DARS2: variants seen among roughly 807,000 people sequenced by gnomAD.
DARS2 encodes aspartyl-tRNA synthetase 2, mitochondrial.
In DARS2, 63 loss-of-function variants were observed where a neutral mutation model predicts 83.0. That is an observed-to-expected ratio of 0.76 (90% CI 0.62 to 0.94). The LOEUF (loss-of-function observed/expected upper bound fraction) is 0.94. Among genes scored for constraint, DARS2 ranks in the 40% least tolerant of loss-of-function variants. The pLI is 0.00. For synonymous variants in DARS2, 250 were observed against 269.3 expected (o/e 0.93, Z 0.70); for missense variants, 675 against 774.4 (o/e 0.87, Z 1.52).
In DARS2 at chr1:173,826,800, G is replaced by A; in HGVS notation, c.227+14G>A. On this transcript the variant is annotated intron_variant, in intron 2 of 16. Coordinates refer to ENST00000649689, the MANE Select transcript of DARS2 (RefSeq NM_018122.5). ...TCAGTACCGAAGGTAAATTGAGAAA[G>A]ACAGTCTAAGAATGCATGGTGGTGG... 1 of 1,577,990 alleles carries A rather than the reference G, an allele frequency of 6.3e-7. No individual in the cohort carries two copies. Among genetic ancestry groups the A allele is most frequent in the Non-Finnish European group, 8.7e-7 (1 of 1,147,362 alleles).
At chr1:173,843,241 T>C (rs937083024) in intron 11 of DARS2, among the ~76,000 whole-genome samples, 1 of 152,188 alleles carries the variant, frequency 6.6e-6, no homozygotes, top group African/African-American at 2.4e-5. Context: ...GAAAATTTTT[T>C]CTTAGGTTCA....
intron 12 of DARS2, among the ~76,000 whole-genome samples, chr1:173,847,516 A>G (rs556720760): frequency 3.6e-4 from 54 of 151,984 alleles, no homozygotes; most frequent in African/African-American, 1.2e-3. Flanking sequence ...TATTACTACT[A>G]CTATTTTTTA....
At chr1:173,825,485 T>C in intron 1 of DARS2, 129 bp downstream of exon 1, 1 of 555,998 alleles carries the variant, frequency 1.8e-6, no homozygotes, top group Non-Finnish European at 2.5e-6. Flanking sequence ...TTATTATTAT[T>C]TGAGACGGAG....
At chr1:173,841,660 G>A (rs1056569763) in intron 11 of DARS2, among the ~76,000 whole-genome samples, 15 of 151,814 alleles carry the variant, frequency 9.9e-5, no homozygotes, top group East Asian at 3.9e-4. Context: ...ATTACCTGGC[G>A]TGGTGGCTCA....
intron 6 of DARS2, 36 bp downstream of exon 6, chr1:173,833,535 T>C (rs1557855923): frequency 3.7e-6 from 6 of 1,613,440 alleles, no homozygotes; most frequent in Non-Finnish European, 3.4e-6. Flanking sequence ...TGGAGCTTTG[T>C]AGCATCTCTT....
rs1418939171 is a variant in DARS2, at chr1:173,839,219, A to G, written c.841-148A>G. On this transcript the variant is annotated intron_variant, in intron 9 of 16. Coordinates refer to ENST00000649689, the MANE Select transcript of DARS2 (RefSeq NM_018122.5). The stretch of plus-strand genomic sequence containing the variant: ...TTAATGTATGTAAGGCCATTAGCAC[A>G]GTGTCTGACATAAAAGAGATGTACA... 4.2e-6 allele frequency: 3 copies of G among 710,714 alleles called. No individual in the cohort carries two copies. In the African/African-American group the frequency reaches 5.3e-5, roughly 13 times the overall value. 44.0% of individuals were successfully genotyped at this position (710,714 alleles called of 1,614,324 possible).
In DARS2 at chr1:173,836,947, A is replaced by G. The variant is rs1243768181; in HGVS notation, c.671A>G (p.Lys224Arg). 3.1e-6 allele frequency: 5 copies of G among 1,613,764 alleles called. No individual in the cohort carries two copies. The African/African-American group carries it at 6.7e-5, about 22-fold the overall frequency. The change falls in exon 8 of 17, where the codon AAA becomes AGA. Residue 224 changes from lysine (K) to arginine (R), a missense_variant. Physicochemically the swap from Lys to Arg is conservative, Grantham distance 26 (BLOSUM62 2). Transcript: ENST00000649689. ...TLFKRTPGGA[K>R]EFLVPSREPG... ...TTTCTCTCTCTTTGAAAGGGTGCCA[A>G]AGAGTTTTTAGTACCATCCAGGGAA...
intron 12 of DARS2, among the ~76,000 whole-genome samples, chr1:173,847,844 CTTTTTTTTTTTT>C (rs1160841148): frequency 3.6e-4 from 28 of 78,620 alleles, no homozygotes; most frequent in Non-Finnish European, 5.4e-4. Context: ...CTTTCTGAAC[CTTTTTTTTTTTT>C]TTTTTTTTTT....
chr1:173,857,278 A>G (rs1055257721), intron 16 of DARS2, among the ~76,000 whole-genome samples: 2 of 152,156 alleles, frequency 1.3e-5, no homozygotes, highest in African/African-American at 4.8e-5. Context: ...TACTAGGAAC[A>G]CTAATCGCTG....
chr1:173,855,989 A>T (rs1331407266), intron 15 of DARS2, among the ~76,000 whole-genome samples: 1 of 151,904 alleles, frequency 6.6e-6, no homozygotes, highest in Non-Finnish European at 1.5e-5. Context: ...TTGCTTCCCT[A>T]AATAGTGGTT....
chr1:173,847,844 CTTTTTTT>C lies in DARS2; in HGVS notation c.1192-2464_1192-2458del, dbSNP rs1160841148. Among the ~76,000 whole-genome samples, 4 of 78,616 alleles carry C rather than the reference CTTTTTTT, an allele frequency of 5.1e-5. No individual in the cohort carries two copies. The Admixed American group carries it at 5.6e-4, about 11-fold the overall frequency. 51.6% of individuals were successfully genotyped at this position (78,616 alleles called of 152,430 possible). A position where few individuals can be genotyped will look rare whatever the true frequency, so the allele number is the denominator to read the frequency against. On this transcript the variant is annotated intron_variant, in intron 12 of 16. Transcript: ENST00000649689. ...CTTCTGCACAGCTGTCTTTCTGAAC[CTTTTTTT>C]TTTTTTTTTTTTTTTTTTGAGACGG...
chr1:173,825,351 T>A lies in DARS2; in HGVS notation c.122T>A (p.Ile41Asn), dbSNP rs1255117948. Residue 41 changes from isoleucine to asparagine, a missense_variant, in exon 1 of 17, where the codon ATT (isoleucine) becomes AAT (asparagine). Transcript: ENST00000649689. ...CTGTTGCAGAGTTCACAGAGGAGAA[T>A]TCCAGGTGAAAATAGCGAAGAGATC... is the stretch of plus-strand genomic sequence containing the variant. ...RSLLQSSQRRIPEFSSFVVRT... is the reference protein window; with the variant it reads ...RSLLQSSQRRNPEFSSFVVRT... 6.2e-7 allele frequency: 1 copy of A among 1,613,170 alleles called. No homozygotes were observed. The highest frequency in any genetic ancestry group is 2.2e-5 in the East Asian group (1 of 44,834).
chr1:173,828,403 A>G lies in DARS2; in HGVS notation c.294+4A>G. The G allele has an allele frequency of 1.9e-6, 3 of 1,608,242 alleles. No individual in the cohort carries two copies. The highest frequency in any genetic ancestry group is 2.6e-6 in the Non-Finnish European group (3 of 1,176,310). Reference sequence around the variant, plus strand: ...AGTTATCATTCCCCAGGATGAGGTAATAGAAAATTTCCTGTTATTATCTAA... The same window carrying G: ...AGTTATCATTCCCCAGGATGAGGTAGTAGAAAATTTCCTGTTATTATCTAA... On this transcript the variant is annotated splice_donor_region_variant and intron_variant, in intron 3 of 16. Coordinates refer to ENST00000649689, the MANE Select transcript of DARS2 (RefSeq NM_018122.5).
Position 173,825,057 on chromosome 1 carries a change from T to C in DARS2, c.-173T>C. ...GCACCCCAGAGACCTTGGAGATTTG[T>C]CTTGTTTCTAGACACGTGTACTCCA... On this transcript the variant is annotated 5_prime_UTR_variant, in exon 1 of 17. Coordinates refer to ENST00000649689, the MANE Select transcript of DARS2 (RefSeq NM_018122.5). 1 of 887,706 alleles carries C rather than the reference T, an allele frequency of 1.1e-6. No individual in the cohort carries two copies. Among genetic ancestry groups the C allele is most frequent in the Non-Finnish European group, 1.7e-6 (1 of 578,582 alleles). The allele number at this position is 887,706 out of a possible 1,614,324, so 55.0% of individuals were successfully genotyped here. A position where few individuals can be genotyped will look rare whatever the true frequency, so the allele number is the denominator to read the frequency against.
chr1:173,842,284 C>CTTTTTTTTTT (rs1178547914), intron 11 of DARS2, among the ~76,000 whole-genome samples: 885 of 64,258 alleles, frequency 0.014, 236 homozygotes, highest in East Asian at 0.024. Flanking sequence ...TCATTACTTT[C>CTTTTTTTTTT]TTTTTTTTTT....
chr1:173,825,829 T>C (rs1652510625), intron 1 of DARS2, among the ~76,000 whole-genome samples: 1 of 150,972 alleles, frequency 6.6e-6, no homozygotes, highest in Non-Finnish European at 1.5e-5. Context: ...CTCATTATAT[T>C]CATTATACGG....
In DARS2 at chr1:173,858,414, GA is replaced by G. The variant is rs1263513457; in HGVS notation, c.*714del. On this transcript the variant is annotated 3_prime_UTR_variant, in exon 17 of 17. Transcript: ENST00000649689. Reference sequence around the variant, plus strand: ...AAGATAAAGTGAATAAAAGTACTTTGAAAAACTATAAAGCATTCCACAAATA... The same window carrying G: ...AAGATAAAGTGAATAAAAGTACTTTGAAAACTATAAAGCATTCCACAAATA... 1 of 152,208 alleles carries G rather than the reference GA, an allele frequency of 6.6e-6. No homozygotes were observed. Among genetic ancestry groups the G allele is most frequent in the African/African-American group, 2.4e-5 (1 of 41,392 alleles). 9.4% of individuals were successfully genotyped at this position (152,208 alleles called of 1,614,324 possible).
At chr1:173,839,620 C>A in intron 10 of DARS2, 74 bp downstream of exon 10, 2 of 1,379,312 alleles carry the variant, frequency 1.5e-6, no homozygotes, top group Non-Finnish European at 2.1e-6. Context: ...TTGAAATTGA[C>A]AAGTGTTACA....
rs1279409996 is a variant in DARS2 at position 173,831,554 on chromosome 1, T to C, written c.416T>C (p.Ile139Thr). 8.1e-6 allele frequency: 13 copies of C among 1,613,922 alleles called. No individual in the cohort carries two copies. The highest frequency in any genetic ancestry group is 2.2e-5 in the East Asian group (1 of 44,876). Residue 139 changes from isoleucine to threonine, a missense_variant, in exon 5 of 17, where the codon ATT (isoleucine) becomes ACT (threonine). By Grantham distance (89) the Ile-to-Thr change is moderately conservative. Transcript: ENST00000649689. ...TCCAAGAAAATGCCAACAGGTGAGA[T>C]TGAAATCAAAGTTAAAACAGCTGAG... is the stretch of plus-strand genomic sequence containing the variant. ...QENPKMPTGEIEIKVKTAELL... is the reference protein window; with the variant it reads ...QENPKMPTGETEIKVKTAELL...
Sources: allele counts gnomAD v4.1 joint callset (sites outside exome capture counted in the v4.1 genomes callset), GRCh38; gene constraint gnomAD v4.1.1; transcripts MANE v1.5; gene names NCBI Gene and HGNC (gene_info 2026-07-23, HGNC 2026-07-21).